MPZL1: variants seen among roughly 807,000 people sequenced by gnomAD.
MPZL1 encodes the protein myelin protein zero like 1.
In MPZL1, 16 loss-of-function variants were observed where a neutral mutation model predicts 29.3. The observed-to-expected ratio is 0.55, with a 90% CI of 0.37 to 0.83. The LOEUF (loss-of-function observed/expected upper bound fraction) is 0.83. MPZL1 is among the 40% of genes least tolerant of loss of function. The probability of loss-of-function intolerance (pLI) is 0.00; values close to 1 mark genes in which losing one functional copy is unlikely to be tolerated. For missense variants in MPZL1, 279 were observed against 332.9 expected (o/e 0.84, Z 1.26); for synonymous variants, 143 against 132.0 (o/e 1.08, Z -0.57).
rs1661653090 is a variant in MPZL1 at position 167,789,074 on chromosome 1, G to T, written c.*1153G>T. 6.6e-6 allele frequency: 1 copy of T among 152,090 alleles called. No homozygotes were observed. The highest frequency in any genetic ancestry group is 1.5e-5 in the Non-Finnish European group (1 of 68,018). 9.4% of individuals were successfully genotyped at this position (152,090 alleles called of 1,614,324 possible). A position where few individuals can be genotyped will look rare whatever the true frequency, so the allele number is the denominator to read the frequency against. ...CCAGCAAGAGGCAGCATCAGTCATGGCTTTATAACAGCTTCATGGTGCCTC... is the reference window on the plus strand; with the variant it reads ...CCAGCAAGAGGCAGCATCAGTCATGTCTTTATAACAGCTTCATGGTGCCTC... On this transcript the variant is annotated 3_prime_UTR_variant, in exon 6 of 6. Transcript: ENST00000359523.
intron 1 of MPZL1, among the ~76,000 whole-genome samples, chr1:167,746,884 A>C (rs763146711): frequency 6.6e-6 from 1 of 152,212 alleles, no homozygotes; most frequent in Non-Finnish European, 1.5e-5. Flanking sequence ...AAGAAAAAAT[A>C]AGTTTGTTAT....
Position 167,787,942 on chromosome 1 carries a change from C to T in MPZL1, c.*21C>T, listed in dbSNP as rs1478183265. 3 of 1,586,912 alleles carry T rather than the reference C, an allele frequency of 1.9e-6. No individual in the cohort carries two copies. Among genetic ancestry groups the T allele is most frequent in the Admixed American group, 1.7e-5 (1 of 59,926 alleles). On this transcript the variant is annotated 3_prime_UTR_variant, in exon 6 of 6. Transcript: ENST00000359523. ...ATTAAGAGAATACCTAGAACATATC[C>T]TCAGCAAGAAACAAAACCAAACTGG...
At chr1:167,753,473 C>T (rs139713362) in intron 1 of MPZL1, among the ~76,000 whole-genome samples, 43 of 152,206 alleles carry the variant, frequency 2.8e-4, no homozygotes, top group Admixed American at 1.4e-3. Flanking sequence ...AAGGATAACT[C>T]GACAGTAAAC....
intron 1 of MPZL1, among the ~76,000 whole-genome samples, chr1:167,757,769 G>A (rs984154974): frequency 1.2e-4 from 18 of 152,326 alleles, no homozygotes; most frequent in African/African-American, 4.3e-4. Flanking sequence ...GGAGTTTATA[G>A]TGGTAACATC....
intron 5 of MPZL1, among the ~76,000 whole-genome samples, chr1:167,782,957 A>T (rs142953907): frequency 6.6e-6 from 1 of 152,310 alleles, no homozygotes; most frequent in East Asian, 1.9e-4. Context: ...AGTGAAACAC[A>T]TTTCAGACTT....
At chr1:167,751,743 A>G (rs1660765242) in intron 1 of MPZL1, among the ~76,000 whole-genome samples, 1 of 152,122 alleles carries the variant, frequency 6.6e-6, no homozygotes. Context: ...TCACATATCT[A>G]AAGTCAATTT....
chr1:167,745,892 A>G (rs1176088191), intron 1 of MPZL1, among the ~76,000 whole-genome samples: 1 of 152,004 alleles, frequency 6.6e-6, no homozygotes, highest in Non-Finnish European at 1.5e-5. Flanking sequence ...TAATTCTGAC[A>G]CAGTTTTTAA....
chr1:167,722,267 G>C, intron 1 of MPZL1, 25 bp downstream of exon 1: 1 of 1,236,574 alleles, frequency 8.1e-7, no homozygotes, highest in Non-Finnish European at 1.0e-6. Flanking sequence ...GACCAGGGCT[G>C]GGGCCGGGGA....
chr1:167,769,635 C>G (rs1661196564), intron 2 of MPZL1, among the ~76,000 whole-genome samples: 1 of 152,200 alleles, frequency 6.6e-6, no homozygotes, highest in African/African-American at 2.4e-5. Context: ...GGCCAACTAA[C>G]TTTGTTAGCT....
chr1:167,746,150 G>T (rs1660641671), intron 1 of MPZL1, among the ~76,000 whole-genome samples: 1 of 152,064 alleles, frequency 6.6e-6, no homozygotes, highest in Admixed American at 6.6e-5. Context: ...TTGCCTTGGA[G>T]TTGCCTTGAA....
At chr1:167,763,861 A>G (rs573477603) in intron 1 of MPZL1, among the ~76,000 whole-genome samples, 1 of 152,370 alleles carries the variant, frequency 6.6e-6, no homozygotes, top group South Asian at 2.1e-4. Context: ...CGCAGAAAAA[A>G]AAATCTGCTT....
Position 167,791,245 on chromosome 1 carries a change from G to A in MPZL1, c.*3324G>A, listed in dbSNP as rs1661708606. Reference sequence around the variant, plus strand: ...TGTTCACTGCTCCGTCTGCAGTAAAGGGAACAGCACCTGGCACTTAGCTGC... The same window carrying A: ...TGTTCACTGCTCCGTCTGCAGTAAAAGGAACAGCACCTGGCACTTAGCTGC... On this transcript the variant is annotated 3_prime_UTR_variant, in exon 6 of 6. Coordinates refer to ENST00000359523, the MANE Select transcript of MPZL1 (RefSeq NM_003953.6). 1.3e-5 allele frequency: 2 copies of A among 152,262 alleles called. No homozygotes were observed. Among genetic ancestry groups the A allele is most frequent in the Non-Finnish European group, 2.9e-5 (2 of 68,072 alleles). The allele number at this position is 152,262 out of a possible 1,614,324, so 9.4% of individuals were successfully genotyped here. A position where few individuals can be genotyped will look rare whatever the true frequency, so the allele number is the denominator to read the frequency against.
At chr1:167,743,337 A>G (rs1435472206) in intron 1 of MPZL1, among the ~76,000 whole-genome samples, 1 of 151,756 alleles carries the variant, frequency 6.6e-6, no homozygotes, top group African/African-American at 2.4e-5. Context: ...CAGCCTCCCA[A>G]GTAGCTGGGA....
intron 2 of MPZL1, among the ~76,000 whole-genome samples, chr1:167,768,702 A>G (rs1252043475): frequency 1.3e-5 from 2 of 152,254 alleles, no homozygotes; most frequent in African/African-American, 4.8e-5. Context: ...TGCTGTGTCC[A>G]AAGTGCTAAG....
In MPZL1 at chr1:167,729,133, G is replaced by T. The variant is rs191361750; in HGVS notation, c.91+6891G>T. Reference sequence around the variant, plus strand: ...AATAAAAAAAAAATTAGCTGGGGGTGGTGGCGCACACCTATAATCCCAGCC... The same window carrying T: ...AATAAAAAAAAAATTAGCTGGGGGTTGTGGCGCACACCTATAATCCCAGCC... On this transcript the variant is annotated intron_variant, in intron 1 of 5. Transcript: ENST00000359523. Among the ~76,000 whole-genome samples the T allele has an allele frequency of 2.0e-5, 3 of 152,050 alleles. No homozygotes were observed. The East Asian group carries it at 5.8e-4, about 29-fold the overall frequency.
chr1:167,756,910 G>A (rs988362555), intron 1 of MPZL1, among the ~76,000 whole-genome samples: 3 of 152,108 alleles, frequency 2.0e-5, no homozygotes, highest in African/African-American at 7.2e-5. Context: ...ACAGGATGTC[G>A]GGGAGCACAG....
intron 1 of MPZL1, chr1:167,765,190 A>G (rs1012092716): frequency 6.5e-6 from 1 of 153,060 alleles, no homozygotes; most frequent in African/African-American, 2.4e-5. Flanking sequence ...AAACAAACGT[A>G]TAACACTAAT....
At chr1:167,774,307 A>T (rs1558123929) in intron 4 of MPZL1, among the ~76,000 whole-genome samples, 1 of 152,220 alleles carries the variant, frequency 6.6e-6, no homozygotes, top group Non-Finnish European at 1.5e-5. Context: ...GCAGTGTTGC[A>T]GATGCACAGA....
intron 2 of MPZL1, among the ~76,000 whole-genome samples, chr1:167,766,140 G>A (rs6682010): frequency 0.024 from 3,647 of 151,876 alleles, 148 homozygotes; most frequent in African/African-American, 0.083. Context: ...TTAATTTAGC[G>A]TATAGTCCAT....
Sources: gnomAD v4.1 joint callset for allele counts (sites outside exome capture counted in the v4.1 genomes callset) on GRCh38, gnomAD v4.1.1 for gene constraint, MANE v1.5 for transcripts, NCBI Gene and HGNC (gene_info 2026-07-23, HGNC 2026-07-21) for gene names.